Variants in TRRAP observed in about 807,000 individuals in gnomAD.
TRRAP encodes transformation/transcription domain-associated protein.
In TRRAP, 41 loss-of-function variants were observed where a neutral mutation model predicts 438.8. That is an observed-to-expected ratio of 0.09 (90% CI 0.07 to 0.12). The LOEUF (loss-of-function observed/expected upper bound fraction) is 0.12, where lower values mean the gene tolerates loss of function less well. Ranked by LOEUF, TRRAP falls within the 10% of genes least tolerant of loss-of-function variation. TRRAP has a pLI of 1.00. For synonymous variants in TRRAP, 1,994 were observed against 1,962.9 expected (o/e 1.02, Z -0.42); for missense variants, 3,122 against 5,055.1 (o/e 0.62, Z 11.60).
At chr7:98,928,371 C>T (rs1354500999) in intron 23 of TRRAP, among the ~76,000 whole-genome samples, 3 of 152,214 alleles carry the variant, frequency 2.0e-5, no homozygotes, top group African/African-American at 7.2e-5. Context: ...TGGAGTAGCA[C>T]TGCCCAGTTG....
chr7:98,990,376 T>G, intron 63 of TRRAP, 79 bp from the exon 64 acceptor site: 5 of 1,539,398 alleles, frequency 3.2e-6, no homozygotes, highest in East Asian at 2.3e-5. Context: ...TATACAGTGT[T>G]GTAATGTTGG....
In TRRAP at chr7:98,917,419, C is replaced by T. The variant is rs1554409688; in HGVS notation, c.2366-4C>T. ...CTCTCTGATAGCTGCACCCCCTTCCCTAGGGCTGAACATGCTTCAGAGTGG... is the reference window on the plus strand; with the variant it reads ...CTCTCTGATAGCTGCACCCCCTTCCTTAGGGCTGAACATGCTTCAGAGTGG... On this transcript the variant is annotated splice_polypyrimidine_tract_variant and splice_region_variant and intron_variant, in intron 19 of 72. Transcript: ENST00000456197. 1.2e-6 allele frequency: 2 copies of T among 1,613,742 alleles called. No individual in the cohort carries two copies. The highest frequency in any genetic ancestry group is 1.7e-6 in the Non-Finnish European group (2 of 1,179,720).
chr7:98,975,933 G>A (rs1357587180), intron 53 of TRRAP: 3 of 552,464 alleles, frequency 5.4e-6, no homozygotes, highest in Non-Finnish European at 9.2e-6. Context: ...GAGCCTCTCG[G>A]GATGCCTGGG....
chr7:98,922,848 G>A (rs1170327159), intron 21 of TRRAP, among the ~76,000 whole-genome samples: 1 of 152,146 alleles, frequency 6.6e-6, no homozygotes, highest in Non-Finnish European at 1.5e-5. Flanking sequence ...CTGCCCTGTT[G>A]CATCATTGTG....
rs749627723 is a variant in TRRAP at position 98,994,393 on chromosome 7, G to A, written c.10048-194G>A. Among the ~76,000 whole-genome samples, 18 of 152,146 alleles carry A rather than the reference G, an allele frequency of 1.2e-4. No homozygotes were observed. The highest frequency in any genetic ancestry group is 2.5e-4 in the Non-Finnish European group (17 of 68,020). ...TCCCTTACTCCCCAAGGTCAAAAGC[G>A]CCTGCTCCCATGTGGCATGCACAGG... On this transcript the variant is annotated intron_variant, in intron 66 of 72. Coordinates refer to ENST00000456197, the MANE Select transcript of TRRAP (RefSeq NM_001375524.1). The surrounding 1 kb of genome is among the most constrained non-coding windows in gnomAD (Gnocchi z 4.8).
chr7:98,917,231 G>A (rs2116444854), intron 19 of TRRAP, among the ~76,000 whole-genome samples, 192 bp from the exon 20 acceptor site: 1 of 152,250 alleles, frequency 6.6e-6, no homozygotes, highest in South Asian at 2.1e-4. Context: ...ACGGCCTACT[G>A]TTACCACTCA....
intron 50 of TRRAP, 141 bp from the exon 51 acceptor site, chr7:98,967,344 G>A: frequency 1.6e-6 from 2 of 1,246,176 alleles, no homozygotes; most frequent in Non-Finnish European, 2.2e-6. Context: ...AATGCTGCAT[G>A]AGCCTGCCAC....
At chr7:98,921,415 A>C (rs560570119) in intron 20 of TRRAP, among the ~76,000 whole-genome samples, 48 of 150,990 alleles carry the variant, frequency 3.2e-4, no homozygotes, top group African/African-American at 1.1e-3. Flanking sequence ...CGCCCTTGTC[A>C]CCCGGGCTGG....
At chr7:98,922,224 G>A (rs1237001670) in intron 21 of TRRAP, among the ~76,000 whole-genome samples, 2 of 152,130 alleles carry the variant, frequency 1.3e-5, no homozygotes, top group Non-Finnish European at 2.9e-5. Flanking sequence ...CTTCCATTCT[G>A]ATGCCTGGCA....
chr7:98,968,907 G>A (rs1361453025), intron 51 of TRRAP, among the ~76,000 whole-genome samples: 1 of 152,234 alleles, frequency 6.6e-6, no homozygotes, highest in African/African-American at 2.4e-5. Context: ...TAGTTGCCAG[G>A]CACTGGGTCA....
At chr7:98,884,997 TG>T (rs1187768437) in intron 3 of TRRAP, among the ~76,000 whole-genome samples, 2 of 152,146 alleles carry the variant, frequency 1.3e-5, no homozygotes, top group Admixed American at 1.3e-4. Context: ...TCACATCAGA[TG>T]GGTAATGTGC....
intron 26 of TRRAP, 46 bp downstream of exon 26, chr7:98,931,711 T>G: frequency 6.3e-7 from 1 of 1,586,434 alleles, no homozygotes; most frequent in Non-Finnish European, 8.6e-7. Flanking sequence ...ACAAAACTTT[T>G]GAGCCTTTTT....
At position 98,981,977 on chromosome 7, in the gene TRRAP, C is replaced by A; in HGVS notation, c.8826+17C>A. On this transcript the variant is annotated intron_variant, in intron 59 of 72. Transcript: ENST00000456197. ...CTCCTACAGGTGCGTGCGGTGCCCC[C>A]ATGCGAGCACAGGCCTGTGGCCTGT... is the stretch of plus-strand genomic sequence containing the variant. The A allele has an allele frequency of 6.4e-7, 1 of 1,551,510 alleles. No individual in the cohort carries two copies. The highest frequency in any genetic ancestry group is 8.7e-7 in the Non-Finnish European group (1 of 1,151,038).
At chr7:98,968,779 C>T (rs781127567) in intron 51 of TRRAP, among the ~76,000 whole-genome samples, 20 of 152,192 alleles carry the variant, frequency 1.3e-4, no homozygotes, top group African/African-American at 2.2e-4. Flanking sequence ...CTGTTCGTGC[C>T]GGATGGGCGT....
Position 98,893,878 on chromosome 7 carries a change from A to T in TRRAP, c.447A>T (p.Gln149His), listed in dbSNP as rs782387222. ...LHKQFRPPIT[Q>H]EIHHFLDFVK... The stretch of plus-strand genomic sequence containing the variant: ...AACAGTTCAGGCCACCGATCACACA[A>T]GAAGTAAGTTGTTTAAAATCCTTAT... Residue 149 changes from glutamine (Q) to histidine (H), a missense_variant, in exon 6 of 73, where the codon CAA (glutamine) becomes CAT (histidine). Transcript: ENST00000456197. The T allele has an allele frequency of 6.2e-7, 1 of 1,613,070 alleles. No individual in the cohort carries two copies.
At position 98,990,374 on chromosome 7, in the gene TRRAP, G is replaced by T; in HGVS notation, c.9592-81G>T. 12 of 1,533,330 alleles carry T rather than the reference G, an allele frequency of 7.8e-6. 1 individual carries two copies. The South Asian group carries it at 1.4e-4, about 18-fold the overall frequency. 95.0% of individuals were successfully genotyped at this position (1,533,330 alleles called of 1,614,324 possible). A position where few individuals can be genotyped will look rare whatever the true frequency, so the allele number is the denominator to read the frequency against. On this transcript the variant is annotated intron_variant, in intron 63 of 72. Coordinates refer to ENST00000456197, the MANE Select transcript of TRRAP (RefSeq NM_001375524.1). Reference sequence around the variant, plus strand: ...GGCCAGTAAAGCCGCTCTATACAGTGTTGTAATGTTGGGGAAAAAGTCTCT... The same window carrying T: ...GGCCAGTAAAGCCGCTCTATACAGTTTTGTAATGTTGGGGAAAAAGTCTCT...
In TRRAP at chr7:99,011,115, T is replaced by C. The variant is rs746554860; in HGVS notation, c.11002T>C (p.Trp3668Arg). 6.2e-7 allele frequency: 1 copy of C among 1,613,836 alleles called. No homozygotes were observed. Among genetic ancestry groups the C allele is most frequent in the East Asian group, 2.2e-5 (1 of 44,856 alleles). ...NMVPRSMLKE[W>R]ALHTFPNATD... is the part of the protein sequence containing the mutation. ...GGTGCCGCGCAGCATGCTCAAGGAG[T>C]GGGCGCTGCACACCTTCCCCAATGC... Residue 3668 changes from tryptophan to arginine, a missense_variant, in exon 71 of 73, where the codon TGG becomes CGG. Trp to Arg is a moderately radical substitution (Grantham distance 101). Coordinates refer to ENST00000456197, the MANE Select transcript of TRRAP (RefSeq NM_001375524.1). This position sits in a 1 kb window ranked among gnomAD's most constrained non-coding sequence, Gnocchi z 7.1.
chr7:98,983,282 G>C lies in TRRAP; in HGVS notation c.8845G>C (p.Glu2949Gln). 6.2e-7 allele frequency: 1 copy of C among 1,612,960 alleles called. No individual in the cohort carries two copies. The highest frequency in any genetic ancestry group is 8.5e-7 in the Non-Finnish European group (1 of 1,179,336). The change falls in exon 60 of 73, where the codon GAA (glutamate) becomes CAA (glutamine). Residue 2949 changes from glutamate (E) to glutamine (Q), a missense_variant. Transcript: ENST00000456197. ...CCATCAGGCAGCCCAGCAAATCATC[G>C]AACTCCAGGAAGCTGCACAAATCAA... ...PLLQAAQQII[E>Q]LQEAAQINAG...
In TRRAP at chr7:98,945,736, C is replaced by G. The variant is rs1197740988; in HGVS notation, c.4474-11C>G. The G allele has an allele frequency of 6.3e-7, 1 of 1,597,160 alleles. No homozygotes were observed. Among genetic ancestry groups the G allele is most frequent in the Non-Finnish European group, 8.5e-7 (1 of 1,179,482 alleles). ...AAATAGAAAAAAGATGATTTTCCTC[C>G]CCATCCTCAGGAAAGCATTTCCGAG... On this transcript the variant is annotated splice_polypyrimidine_tract_variant and intron_variant, in intron 31 of 72. Transcript: ENST00000456197.
Sources: allele counts gnomAD v4.1 joint callset (sites outside exome capture counted in the v4.1 genomes callset), GRCh38; gene constraint gnomAD v4.1.1; non-coding constraint Gnocchi (gnomAD v3.1); transcripts MANE v1.5; gene names NCBI Gene and HGNC (gene_info 2026-07-23, HGNC 2026-07-21).